The following MGAM variants were observed in gnomAD, a reference collection of about 807,000 sequenced individuals.
MGAM encodes alpha-1,4-glucosidase.
MGAM carries 253 observed loss-of-function variants against 358.8 expected under a neutral mutation model. The ratio of observed to expected loss-of-function variants is 0.71; its 90% CI spans 0.64 to 0.78. MGAM has a LOEUF of 0.78. Among genes scored for constraint, MGAM ranks in the 30% least tolerant of loss-of-function variants. MGAM has a pLI of 0.00. For missense variants in MGAM, 3,080 were observed against 3,432.6 expected (o/e 0.90, Z 2.57); for synonymous variants, 1,105 against 1,227.1 (o/e 0.90, Z 2.08).
chr7:142,036,260 G>A lies in MGAM; in HGVS notation c.2051G>A (p.Arg684Lys). Reference protein sequence around the residue: ...MQLGAFYPFSRNHNGQGYKDQ... With the variant: ...MQLGAFYPFSKNHNGQGYKDQ... ...TTGGGTGCATTTTATCCGTTTTCTA[G>A]AAATCACAATGGCCAAGGCTACAAG... Residue 684 changes from arginine to lysine, a missense_variant, in exon 17 of 71, where the codon AGA (arginine) becomes AAA (lysine). Coordinates refer to ENST00000475668, the MANE Select transcript of MGAM (RefSeq NM_001365693.1). The A allele has an allele frequency of 6.2e-7, 1 of 1,609,230 alleles. No homozygotes were observed. Among genetic ancestry groups the A allele is most frequent in the Non-Finnish European group, 8.5e-7 (1 of 1,177,780 alleles).
At chr7:142,023,535 A>G (rs1346738427) in intron 7 of MGAM, among the ~76,000 whole-genome samples, 14 of 152,150 alleles carry the variant, frequency 9.2e-5, no homozygotes, top group Non-Finnish European at 2.9e-5. Context: ...AGAAAAAACC[A>G]AGGCCCAGCG....
Position 142,092,205 on chromosome 7 carries a change from A to G in MGAM, c.6945+158A>G, listed in dbSNP as rs1003996004. 6.2e-5 allele frequency among the ~76,000 whole-genome samples: 9 copies of G among 145,898 alleles called. 1 individual carries two copies. The highest frequency in any genetic ancestry group is 2.0e-4 in the African/African-American group (8 of 40,736). The stretch of plus-strand genomic sequence containing the variant: ...TCCTCTCAGGAGAGGAACAGCCCTG[A>G]TAGCCCTCACACCTTCTACCAGACC... On this transcript the variant is annotated intron_variant, in intron 58 of 70. Coordinates refer to ENST00000475668, the MANE Select transcript of MGAM (RefSeq NM_001365693.1).
intron 14 of MGAM, 99 bp from the exon 15 acceptor site, chr7:142,034,163 A>G: frequency 1.3e-6 from 1 of 775,636 alleles, no homozygotes; most frequent in Non-Finnish European, 2.1e-6. Context: ...ATGCCCACAA[A>G]AGTGCCTGCC....
intron 70 of MGAM, among the ~76,000 whole-genome samples, chr7:142,104,448 AT>A (rs1219526686): frequency 1.3e-5 from 2 of 152,168 alleles, no homozygotes; most frequent in East Asian, 3.8e-4. Flanking sequence ...TGTGTTACAA[AT>A]TGGTTAAGAT....
Position 142,079,004 on chromosome 7 carries a change from T to A in MGAM, c.5843T>A (p.Phe1948Tyr), listed in dbSNP as rs1424023150. Residue 1948 changes from phenylalanine to tyrosine, a missense_variant, in exon 49 of 71, where the codon TTC becomes TAC. Phe to Tyr is a conservative substitution (Grantham distance 22). This residue lies in a region of MGAM where 932 missense variants were observed against 1,198.2 expected (regional missense o/e 0.78). Coordinates refer to ENST00000475668, the MANE Select transcript of MGAM (RefSeq NM_001365693.1). ...TACCATAAGAATGAAATGCTACAGT[T>A]CAAGGTAAACACGGTACATATATCA... Reference protein sequence around the residue: ...VTYHKNEMLQFKIYDPNNNRY... With the variant: ...VTYHKNEMLQYKIYDPNNNRY... 1 of 1,550,954 alleles carries A rather than the reference T, an allele frequency of 6.4e-7. No individual in the cohort carries two copies. Among genetic ancestry groups the A allele is most frequent in the Non-Finnish European group, 8.9e-7 (1 of 1,128,508 alleles).
At chr7:142,091,419 T>A (rs141571733) in intron 57 of MGAM, among the ~76,000 whole-genome samples, 1 of 146,242 alleles carries the variant, frequency 6.8e-6, no homozygotes, top group African/African-American at 2.4e-5. Context: ...ATTCTGAAAT[T>A]GTAGAAAACA....
intron 65 of MGAM, among the ~76,000 whole-genome samples, chr7:142,096,984 A>G (rs4478492): frequency 6.7e-6 from 1 of 149,936 alleles, no homozygotes; most frequent in East Asian, 2.0e-4. Context: ...GCTGGAGTGC[A>G]GTGGTGCTAT....
intron 40 of MGAM, 149 bp from the exon 41 acceptor site, chr7:142,066,424 G>T: frequency 1.0e-6 from 1 of 965,160 alleles, no homozygotes; most frequent in South Asian, 1.7e-5. Flanking sequence ...ACTCTTTCCG[G>T]TCTATTAAGA....
chr7:142,079,666 G>C lies in MGAM; in HGVS notation c.5847+658G>C, dbSNP rs182961865. 1.1e-3 allele frequency among the ~76,000 whole-genome samples: 160 copies of C among 146,218 alleles called. 7 individuals are homozygous for C. The highest frequency in any genetic ancestry group is 3.6e-3 in the African/African-American group (148 of 41,186). ...TTCTCTATTAAACTAATCTTCTCAA[G>C]GATAGGAATGTGCCCTTTCCTCTTT... On this transcript the variant is annotated intron_variant, in intron 49 of 70. Coordinates refer to ENST00000475668, the MANE Select transcript of MGAM (RefSeq NM_001365693.1).
At chr7:142,000,530 G>A (rs1804648071) in intron 1 of MGAM, among the ~76,000 whole-genome samples, 1 of 152,060 alleles carries the variant, frequency 6.6e-6, no homozygotes, top group African/African-American at 2.4e-5. Context: ...AGGGTGAGGT[G>A]GTGGGGACTC....
Position 142,078,982 on chromosome 7 carries a change from C to T in MGAM, c.5821C>T (p.His1941Tyr), listed in dbSNP as rs770595837. 6.4e-7 allele frequency: 1 copy of T among 1,555,024 alleles called. No homozygotes were observed. Among genetic ancestry groups the T allele is most frequent in the East Asian group, 2.3e-5 (1 of 43,932 alleles). Residue 1941 changes from histidine (H) to tyrosine (Y), a missense_variant, in exon 49 of 71, where the codon CAT (histidine) becomes TAT (tyrosine). Physicochemically the swap from His to Tyr is moderately conservative, Grantham distance 83. Transcript: ENST00000475668. Reference protein sequence around the residue: ...VNPLRLDVTYHKNEMLQFKIY... With the variant: ...VNPLRLDVTYYKNEMLQFKIY... ...CCCCCTTCGCCTGGATGTCACTTAC[C>T]ATAAGAATGAAATGCTACAGTTCAA...
rs1812790199 is a variant in MGAM, at chr7:142,066,679, C to A, written c.4877C>A (p.Ala1626Asp). ...LPYLYTLMQKAHTEGVTVVRP... is the reference protein window; with the variant it reads ...LPYLYTLMQKDHTEGVTVVRP... ...TATCTGTATACCTTGATGCAAAAGG[C>A]CCACACGGAGGGCGTCACTGTTGTG... The change falls in exon 41 of 71, where the codon GCC (alanine) becomes GAC (aspartate). Residue 1626 changes from alanine to aspartate, a missense_variant. This residue lies in a region of MGAM where 134 missense variants were observed against 198.4 expected (regional missense o/e 0.68). Coordinates refer to ENST00000475668, the MANE Select transcript of MGAM (RefSeq NM_001365693.1). The A allele has an allele frequency of 6.4e-7, 1 of 1,555,906 alleles. No homozygotes were observed.
intron 8 of MGAM, 25 bp from the exon 9 acceptor site, chr7:142,027,089 AT>A: frequency 6.5e-7 from 1 of 1,533,082 alleles, no homozygotes; most frequent in Non-Finnish European, 9.0e-7. Context: ...TCTGATTTTT[AT>A]TTTCTTCATT....
Position 142,040,859 on chromosome 7 carries a change from T to G in MGAM, c.2498+13T>G, listed in dbSNP as rs377616979. On this transcript the variant is annotated intron_variant, in intron 21 of 70. Transcript: ENST00000475668. ...CCACTCTGGCCAGGTATAGCATGGCTGGAGTGTCCTTTCAGAATTCATGTC... is the reference window on the plus strand; with the variant it reads ...CCACTCTGGCCAGGTATAGCATGGCGGGAGTGTCCTTTCAGAATTCATGTC... 1 of 1,588,896 alleles carries G rather than the reference T, an allele frequency of 6.3e-7. No individual in the cohort carries two copies. The highest frequency in any genetic ancestry group is 2.3e-5 in the East Asian group (1 of 43,480).
At chr7:141,990,371 TGGA>T (rs369350198) in intron 2 of MGAM, among the ~76,000 whole-genome samples, 134 of 152,288 alleles carry the variant, frequency 8.8e-4, no homozygotes, top group African/African-American at 2.9e-3. Context: ...TTAGTCTGCT[TGGA>T]GGTGTGGGGA....
chr7:142,045,255 T>C (rs1584995421), intron 21 of MGAM, among the ~76,000 whole-genome samples: 1 of 77,622 alleles, frequency 1.3e-5, no homozygotes, highest in African/African-American at 5.5e-5. Flanking sequence ...ATATATGATA[T>C]ATAATATATA....
At position 142,021,043 on chromosome 7, in the gene MGAM, T is replaced by TCA; in HGVS notation, c.521_522dup (p.Ala175GlnfsTer14). The TCA allele has an allele frequency of 6.2e-7, 1 of 1,613,398 alleles. No individual in the cohort carries two copies. Among genetic ancestry groups the TCA allele is most frequent in the East Asian group, 2.2e-5 (1 of 44,842 alleles). The stretch of plus-strand genomic sequence containing the variant: ...GGAAGCAATGTTGACAATGTTCTTC[T>TCA]CACAGCAGAATATCAGACATCTAAT... On this transcript the variant is annotated frameshift_variant, in exon 5 of 71. Coordinates refer to ENST00000475668, the MANE Select transcript of MGAM (RefSeq NM_001365693.1). LOFTEE classifies it high-confidence loss of function.
Position 142,068,192 on chromosome 7 carries a change from T to C in MGAM, c.5005-455T>C, listed in dbSNP as rs182037426. Among the ~76,000 whole-genome samples, 16 of 134,232 alleles carry C rather than the reference T, an allele frequency of 1.2e-4. 1 individual carries two copies. Among genetic ancestry groups the C allele is most frequent in the African/African-American group, 4.0e-4 (16 of 39,594 alleles). The allele number at this position is 134,232 out of a possible 152,430, so 88.1% of individuals were successfully genotyped here. ...TTTTGTATGTTTAGTAGAGATGGGG[T>C]TTCACTGTATTAGCCAGGATGGTCT... On this transcript the variant is annotated intron_variant, in intron 42 of 70. Transcript: ENST00000475668.
At chr7:142,037,334 G>A (rs1287872508) in intron 18 of MGAM, among the ~76,000 whole-genome samples, 1 of 152,170 alleles carries the variant, frequency 6.6e-6, no homozygotes, top group Non-Finnish European at 1.5e-5. Context: ...TCTTGACTGT[G>A]ATGGTCTCAT....
Sources: allele counts gnomAD v4.1 joint callset (sites outside exome capture counted in the v4.1 genomes callset), GRCh38; gene constraint gnomAD v4.1.1; regional missense constraint gnomAD v4.1.1; transcripts MANE v1.5; gene names NCBI Gene and HGNC (gene_info 2026-07-23, HGNC 2026-07-21).